The following CRIM1 variants were observed in gnomAD, a reference collection of about 807,000 sequenced individuals.
CRIM1 encodes cysteine-rich motor neuron 1 protein.
In CRIM1, 32 loss-of-function variants were observed where a neutral mutation model predicts 116.4. That is an observed-to-expected ratio of 0.27 (90% CI 0.21 to 0.37). CRIM1 has a LOEUF of 0.37. Ranked by LOEUF, CRIM1 falls within the 10% of genes least tolerant of loss-of-function variation. The pLI is 1.00. For synonymous variants in CRIM1, 590 were observed against 509.2 expected, an observed-to-expected ratio of 1.16 and a Z score of -2.13; for missense variants, 1,331 against 1,354.8, an observed-to-expected ratio of 0.98 and a Z score of 0.28.
chr2:36,366,151 G>C (rs1192154753), intron 1 of CRIM1, among the ~76,000 whole-genome samples: 1 of 152,242 alleles, frequency 6.6e-6, no homozygotes, highest in Admixed American at 6.5e-5. Context: ...GTAGAACAAG[G>C]AGAAAGAACT....
At chr2:36,494,515 T>A (rs920082144) in intron 7 of CRIM1, among the ~76,000 whole-genome samples, 36 of 152,158 alleles carry the variant, frequency 2.4e-4, no homozygotes, top group African/African-American at 8.5e-4. Context: ...GGGATAAGAA[T>A]TGGTGGCTGA....
chr2:36,440,584 A>G (rs1675734877), intron 2 of CRIM1, among the ~76,000 whole-genome samples: 1 of 152,340 alleles, frequency 6.6e-6, no homozygotes, highest in East Asian at 1.9e-4. Context: ...TAAAATTGAG[A>G]TACAGCAATG....
intron 1 of CRIM1, among the ~76,000 whole-genome samples, chr2:36,396,040 G>C (rs1008222094): frequency 6.6e-6 from 1 of 152,080 alleles, no homozygotes; most frequent in African/African-American, 2.4e-5. Context: ...CCTGAGTGCT[G>C]GGACCACAGG....
At chr2:36,454,639 T>A (rs1280591384) in intron 4 of CRIM1, among the ~76,000 whole-genome samples, 1 of 152,214 alleles carries the variant, frequency 6.6e-6, no homozygotes, top group Non-Finnish European at 1.5e-5. Flanking sequence ...AGACATGTTT[T>A]CTTTAATGTG....
chr2:36,469,472 G>C (rs78511856), intron 5 of CRIM1, among the ~76,000 whole-genome samples: 40 of 152,174 alleles, frequency 2.6e-4, no homozygotes, highest in Admixed American at 2.6e-3. Context: ...TTTTATTCAG[G>C]CATATACGAA....
At chr2:36,363,529 G>GCCC (rs59203042) in intron 1 of CRIM1, among the ~76,000 whole-genome samples, 837 of 77,690 alleles carry the variant, frequency 0.011, 144 homozygotes, top group Non-Finnish European at 0.02. Flanking sequence ...AGTCGTCGCC[G>GCCC]CCCCCCCCCC....
chr2:36,393,522 A>ATATATGC (rs1262391631), intron 1 of CRIM1, among the ~76,000 whole-genome samples: 1 of 152,096 alleles, frequency 6.6e-6, no homozygotes, highest in East Asian at 1.9e-4. Context: ...ACATGTGTGT[A>ATATATGC]TATATGCATA....
chr2:36,414,961 C>T (rs920694973), intron 2 of CRIM1, among the ~76,000 whole-genome samples: 3 of 152,128 alleles, frequency 2.0e-5, no homozygotes, highest in Admixed American at 6.5e-5. Context: ...CTGTGGCTGC[C>T]ATGTGGAAAA....
At position 36,469,809 on chromosome 2, in the gene CRIM1, C is replaced by G. The variant is rs1327604684; in HGVS notation, c.991+5154C>G. Among the ~76,000 whole-genome samples the G allele has an allele frequency of 3.3e-5, 5 of 152,218 alleles. No individual in the cohort carries two copies. The East Asian group carries it at 7.7e-4, about 24-fold the overall frequency. Reference sequence around the variant, plus strand: ...ACTCAGTATGTGTTTATTGAGCACCCCTCGTGTTCCTGGGGCCTTGTTAAG... The same window carrying G: ...ACTCAGTATGTGTTTATTGAGCACCGCTCGTGTTCCTGGGGCCTTGTTAAG... On this transcript the variant is annotated intron_variant, in intron 5 of 16. Transcript: ENST00000280527.
At chr2:36,513,357 G>C in intron 10 of CRIM1, 199 bp from the exon 11 acceptor site, 2 of 555,464 alleles carry the variant, frequency 3.6e-6, no homozygotes, top group Non-Finnish European at 6.4e-6. Flanking sequence ...ACTATTTGCC[G>C]GTTTTTTTCT....
At chr2:36,380,694 C>A (rs1670678624) in intron 1 of CRIM1, among the ~76,000 whole-genome samples, 2 of 152,154 alleles carry the variant, frequency 1.3e-5, no homozygotes. Flanking sequence ...TGTTTGCCCT[C>A]CGAATGAAAG....
At chr2:36,397,202 T>G (rs888088878) in intron 2 of CRIM1, among the ~76,000 whole-genome samples, 1 of 152,154 alleles carries the variant, frequency 6.6e-6, no homozygotes, top group Non-Finnish European at 1.5e-5. Flanking sequence ...AATGGGAGAA[T>G]TATGCAGTGA....
intron 1 of CRIM1, chr2:36,379,034 A>C (rs1376098395): frequency 2.0e-5 from 3 of 152,234 alleles, no homozygotes; most frequent in African/African-American, 7.2e-5. Context: ...TAGAGCTTTC[A>C]GCTAACATAC....
intron 2 of CRIM1, among the ~76,000 whole-genome samples, chr2:36,406,055 G>A (rs546547325): frequency 2.0e-5 from 3 of 152,240 alleles, no homozygotes; most frequent in Admixed American, 6.5e-5. Flanking sequence ...TTGATCTCCT[G>A]TATGGCATTA....
At chr2:36,386,362 C>T (rs1485340720) in intron 1 of CRIM1, among the ~76,000 whole-genome samples, 1 of 152,128 alleles carries the variant, frequency 6.6e-6, no homozygotes, top group Non-Finnish European at 1.5e-5. Context: ...TTTGACATGT[C>T]ATAAATATTG....
intron 13 of CRIM1, among the ~76,000 whole-genome samples, chr2:36,523,179 A>G (rs1446081085): frequency 6.6e-6 from 1 of 152,132 alleles, no homozygotes; most frequent in East Asian, 1.9e-4. Context: ...AGAAACACCA[A>G]GTCTCATATT....
chr2:36,438,514 A>AT (rs931802630), intron 2 of CRIM1, among the ~76,000 whole-genome samples: 25 of 152,102 alleles, frequency 1.6e-4, no homozygotes, highest in African/African-American at 6.0e-4. Context: ...GGAATTCCTT[A>AT]TTAGTTAATC....
chr2:36,365,837 G>A (rs1169749419), intron 1 of CRIM1, among the ~76,000 whole-genome samples: 2 of 151,052 alleles, frequency 1.3e-5, no homozygotes, highest in Admixed American at 6.6e-5. Flanking sequence ...TGGTTCAAGC[G>A]ATTCTCCTGC....
intron 1 of CRIM1, among the ~76,000 whole-genome samples, chr2:36,363,683 TA>T (rs1669399082): frequency 9.1e-6 from 1 of 109,832 alleles, no homozygotes; most frequent in East Asian, 3.1e-4. Context: ...TAATTAAAAA[TA>T]CTTAATTTGG....
Sources: allele counts gnomAD v4.1 joint callset (sites outside exome capture counted in the v4.1 genomes callset), GRCh38; gene constraint gnomAD v4.1.1; transcripts MANE v1.5; gene names NCBI Gene and HGNC (gene_info 2026-07-23, HGNC 2026-07-21).